Variants in METTL3 observed in about 807,000 individuals in gnomAD.
METTL3 encodes the protein N(6)-adenosine-methyltransferase catalytic subunit METTL3.
In METTL3, 42 loss-of-function variants were observed where a neutral mutation model predicts 64.3. The ratio of observed to expected loss-of-function variants is 0.65; its 90% CI spans 0.51 to 0.84. METTL3 has a LOEUF of 0.84. METTL3 is among the 40% of genes least tolerant of loss of function. The pLI is 0.00. For missense variants in METTL3, 435 were observed against 722.3 expected (o/e 0.60, Z 4.56); for synonymous variants, 256 against 263.6 (o/e 0.97, Z 0.28).
Position 21,511,286 on chromosome 14 carries a change from C to A in METTL3, c.-63G>T. On this transcript the variant is annotated 5_prime_UTR_variant, in exon 1 of 11. Transcript: ENST00000298717. ...CGGCGGACTAGCACCTCCCAGCACT[C>A]GCTCCAGGATATAGCCAATTCTCAC... is the stretch of plus-strand genomic sequence containing the variant. 1 of 1,566,752 alleles carries A rather than the reference C, an allele frequency of 6.4e-7. No individual in the cohort carries two copies. Among genetic ancestry groups the A allele is most frequent in the South Asian group, 1.2e-5 (1 of 85,440 alleles).
chr14:21,501,139 T>A lies in METTL3; in HGVS notation c.900-10A>T, dbSNP rs1402631918. On this transcript the variant is annotated splice_polypyrimidine_tract_variant and intron_variant, in intron 4 of 10. Coordinates refer to ENST00000298717, the MANE Select transcript of METTL3 (RefSeq NM_019852.5). ...TTTATTGATAATTCGTCTGGGAAAA[T>A]AAAAAGGGAGAATCAAGATGGTGCT... 1 of 1,599,514 alleles carries A rather than the reference T, an allele frequency of 6.3e-7. No individual in the cohort carries two copies. Among genetic ancestry groups the A allele is most frequent in the South Asian group, 1.1e-5 (1 of 90,268 alleles).
intron 10 of METTL3, 145 bp downstream of exon 10, chr14:21,498,880 A>C (rs1313362905): frequency 6.4e-6 from 4 of 623,948 alleles, no homozygotes; most frequent in Non-Finnish European, 1.1e-5. Context: ...CTCATAAAAC[A>C]GTTTAAATAC....
In METTL3 at chr14:21,501,832, G is replaced by A. The variant is rs1231312787; in HGVS notation, c.795C>T (p.Arg265=). 2 of 1,614,124 alleles carry A rather than the reference G, an allele frequency of 1.2e-6. No individual in the cohort carries two copies. The highest frequency in any genetic ancestry group is 1.7e-6 in the Non-Finnish European group (2 of 1,180,026). Residue 265 remains arginine (R), a synonymous_variant, in exon 4 of 11, where the codon CGC becomes CGT. Transcript: ENST00000298717. ...CTTGCACTTGGGCCCGACCTCGAGA[G>A]CGAAATTTTTCAACAATGGATTGTT... ...AKEQSIVEKF[R]SRGRAQVQEF...
chr14:21,503,818 G>A lies in METTL3; in HGVS notation c.164C>T (p.Ala55Val), dbSNP rs994785110. The A allele has an allele frequency of 1.2e-6, 2 of 1,614,138 alleles. No individual in the cohort carries two copies. Among genetic ancestry groups the A allele is most frequent in the East Asian group, 2.2e-5 (1 of 44,896 alleles). Reference protein sequence around the residue: ...TFRSDSPVPTAPTSGGPKPST... With the variant: ...TFRSDSPVPTVPTSGGPKPST... ...GGGCTTAGGGCCACCAGAGGTGGGT[G>A]CAGTAGGCACTGGGCTGTCACTACG... is the stretch of plus-strand genomic sequence containing the variant. The change falls in exon 2 of 11, where the codon GCA becomes GTA. Residue 55 changes from alanine to valine, a missense_variant. By Grantham distance (64) the Ala-to-Val change is moderately conservative. This residue lies in a region of METTL3 where 228 missense variants were observed against 279.6 expected (regional missense o/e 0.82). Coordinates refer to ENST00000298717, the MANE Select transcript of METTL3 (RefSeq NM_019852.5).
At chr14:21,499,259 G>T in intron 9 of METTL3, 47 bp downstream of exon 9, 1 of 1,609,316 alleles carries the variant, frequency 6.2e-7, no homozygotes, top group Non-Finnish European at 8.5e-7. Context: ...ATGAATAACT[G>T]ATACCAACAA....
intron 10 of METTL3, 98 bp downstream of exon 10, chr14:21,498,927 T>A: frequency 1.3e-6 from 1 of 782,594 alleles, no homozygotes; most frequent in Non-Finnish European, 2.2e-6. Context: ...GAAGCTCATT[T>A]ATGGACTAGT....
At chr14:21,502,012 C>CTT (rs75402343) in intron 3 of METTL3, 109 bp from the exon 4 acceptor site, 9,518 of 450,890 alleles carry the variant, frequency 0.021, 27 homozygotes, top group African/African-American at 0.04. Flanking sequence ...GATAAATCAA[C>CTT]TTTTTTTTTT....
chr14:21,503,182 CT>C lies in METTL3; in HGVS notation c.713del (p.Gln238ArgfsTer10), dbSNP rs773016142. On this transcript the variant is annotated frameshift_variant, in exon 3 of 11. Coordinates refer to ENST00000298717, the MANE Select transcript of METTL3 (RefSeq NM_019852.5). LOFTEE classifies it high-confidence loss of function. ...TTCACATGACCCCTACCTTCTTGCT[CT>C]GTTGTTCCTTAGTGGACTGTTGGTT... ...LLNQQSTKEQ[Q>X]SKKVSQEILE... 1 of 1,610,056 alleles carries C rather than the reference CT, an allele frequency of 6.2e-7. No homozygotes were observed. Among genetic ancestry groups the C allele is most frequent in the Non-Finnish European group, 8.5e-7 (1 of 1,178,008 alleles).
Position 21,499,012 on chromosome 14 carries a change from C to T in METTL3, c.1631+13G>A. On this transcript the variant is annotated intron_variant, in intron 10 of 10. Transcript: ENST00000298717. ...AGCCCCTTGAGGACTAGCCTGTTCTCTGGTCACCTTACCAGTTGGGTTGCA... is the reference window on the plus strand; with the variant it reads ...AGCCCCTTGAGGACTAGCCTGTTCTTTGGTCACCTTACCAGTTGGGTTGCA... 1 of 1,590,582 alleles carries T rather than the reference C, an allele frequency of 6.3e-7. No homozygotes were observed. The highest frequency in any genetic ancestry group is 1.3e-5 in the African/African-American group (1 of 74,582).
In METTL3 at chr14:21,503,845, A is replaced by C. The variant is rs1219762339; in HGVS notation, c.137T>G (p.Phe46Cys). 6.2e-6 allele frequency: 10 copies of C among 1,614,086 alleles called. No homozygotes were observed. The highest frequency in any genetic ancestry group is 6.8e-6 in the Non-Finnish European group (8 of 1,180,032). The change falls in exon 2 of 11, where the codon TTC becomes TGC. Residue 46 changes from phenylalanine (F) to cysteine (C), a missense_variant. This residue lies in a region of METTL3 where 228 missense variants were observed against 279.6 expected (regional missense o/e 0.82). Coordinates refer to ENST00000298717, the MANE Select transcript of METTL3 (RefSeq NM_019852.5). ...RNPEAALSPT[F>C]RSDSPVPTAP... is the part of the protein sequence containing the mutation. ...AGTAGGCACTGGGCTGTCACTACGGAAGGTTGGAGACAATGCTGCCTCTGG... is the reference window on the plus strand; with the variant it reads ...AGTAGGCACTGGGCTGTCACTACGGCAGGTTGGAGACAATGCTGCCTCTGG...
At chr14:21,506,568 C>CAA (rs1163191601) in intron 1 of METTL3, among the ~76,000 whole-genome samples, 6 of 151,946 alleles carry the variant, frequency 3.9e-5, no homozygotes, top group Admixed American at 6.6e-5. Flanking sequence ...AAAAACAAAA[C>CAA]AAAAAAGAAT....
chr14:21,503,166 C>G lies in METTL3; in HGVS notation c.723+7G>C. On this transcript the variant is annotated splice_region_variant and intron_variant, in intron 3 of 10. Coordinates refer to ENST00000298717, the MANE Select transcript of METTL3 (RefSeq NM_019852.5). ...ATATTGTGAGAGTATTTTCACATGA[C>G]CCCTACCTTCTTGCTCTGTTGTTCC... 1.2e-6 allele frequency: 2 copies of G among 1,602,482 alleles called. No individual in the cohort carries two copies. Among genetic ancestry groups the G allele is most frequent in the African/African-American group, 1.3e-5 (1 of 74,676 alleles).
intron 3 of METTL3, 198 bp downstream of exon 3, chr14:21,502,975 G>C (rs1891605791): frequency 1.6e-6 from 1 of 606,692 alleles, no homozygotes; most frequent in Non-Finnish European, 2.8e-6. Flanking sequence ...ACCCCCACTA[G>C]ATGCCAATAG....
intron 3 of METTL3, 84 bp from the exon 4 acceptor site, chr14:21,501,987 T>A: frequency 1.8e-6 from 2 of 1,126,096 alleles, no homozygotes; most frequent in Non-Finnish European, 2.6e-6. Flanking sequence ...TTTTTGACAT[T>A]AATGTCTTCT....
rs371384712 is a variant in METTL3, at chr14:21,503,488, T to C, written c.408A>G (p.Leu136=). 3.0e-5 allele frequency: 49 copies of C among 1,612,564 alleles called. No individual in the cohort carries two copies. Among genetic ancestry groups the C allele is most frequent in the Non-Finnish European group, 3.8e-5 (45 of 1,180,030 alleles). Residue 136 remains leucine (L), a synonymous_variant, in exon 3 of 11, where the codon CTA becomes CTG. Coordinates refer to ENST00000298717, the MANE Select transcript of METTL3 (RefSeq NM_019852.5). The stretch of plus-strand genomic sequence containing the variant: ...CAAGAGTAGGATGTGCATCATCTTG[T>C]AGGAGACCTCGCTTTACCTCAATCA... ...QELIEVKRGL[L]QDDAHPTLVT...
intron 1 of METTL3, among the ~76,000 whole-genome samples, chr14:21,506,887 C>G (rs1419608421): frequency 6.6e-6 from 1 of 152,090 alleles, no homozygotes; most frequent in African/African-American, 2.4e-5. Flanking sequence ...AAAAATTAGC[C>G]AGGCAAGGTT....
At chr14:21,502,987 A>C in intron 3 of METTL3, 186 bp downstream of exon 3, 2 of 649,744 alleles carry the variant, frequency 3.1e-6, no homozygotes, top group Admixed American at 5.9e-5. Flanking sequence ...TGCCAATAGC[A>C]CTCCCCCATG....
In METTL3 at chr14:21,503,197, G is replaced by A. The variant is rs532336972; in HGVS notation, c.699C>T (p.Ser233=). Residue 233 remains serine (S), a synonymous_variant, in exon 3 of 11, where the codon TCC becomes TCT. Transcript: ENST00000298717. ...LEIESLLNQQ[S]TKEQQSKKVS... ...CCTTCTTGCTCTGTTGTTCCTTAGT[G>A]GACTGTTGGTTCAGAAGGCTCTCTA... The A allele has an allele frequency of 6.2e-7, 1 of 1,613,134 alleles. No individual in the cohort carries two copies. Among genetic ancestry groups the A allele is most frequent in the South Asian group, 1.1e-5 (1 of 90,952 alleles).
chr14:21,502,012 CT>C (rs75402343), intron 3 of METTL3, 109 bp from the exon 4 acceptor site: 161,269 of 452,352 alleles, frequency 0.36, 12,011 homozygotes, highest in Non-Finnish European at 0.37. Context: ...GATAAATCAA[CT>C]TTTTTTTTTT....
Sources: allele counts gnomAD v4.1 joint callset (sites outside exome capture counted in the v4.1 genomes callset), GRCh38; gene constraint gnomAD v4.1.1; regional missense constraint gnomAD v4.1.1; transcripts MANE v1.5; gene names NCBI Gene and HGNC (gene_info 2026-07-23, HGNC 2026-07-21).